Variants in SPHKAP observed in about 807,000 individuals in gnomAD.
SPHKAP encodes the protein SPHK1 interactor, AKAP domain containing, also known as A-kinase anchor protein SPHKAP.
SPHKAP carries 67 observed loss-of-function variants against 137.5 expected under a neutral mutation model. The ratio of observed to expected loss-of-function variants is 0.49; its 90% confidence interval spans 0.40 to 0.60. The LOEUF is 0.60. SPHKAP is among the 20% of genes least tolerant of loss of function. SPHKAP has a pLI of 0.00. For synonymous variants in SPHKAP, 813 were observed against 785.3 expected (o/e 1.04, Z -0.59); for missense variants, 2,097 against 2,069.3 (o/e 1.01, Z -0.26).
chr2:228,110,962 A>T (rs943873320), intron 2 of SPHKAP, among the ~76,000 whole-genome samples: 1 of 152,104 alleles, frequency 6.6e-6, no homozygotes, highest in African/African-American at 2.4e-5. Flanking sequence ...AAAATAAAAA[A>T]TTTTCTTAGC....
At chr2:228,077,410 C>T (rs1697220278) in intron 3 of SPHKAP, among the ~76,000 whole-genome samples, 1 of 152,188 alleles carries the variant, frequency 6.6e-6, no homozygotes, top group Non-Finnish European at 1.5e-5. Context: ...CTGGCAAAGC[C>T]ACAGGGGAAG....
chr2:228,012,258 A>G (rs887383041), intron 7 of SPHKAP, among the ~76,000 whole-genome samples: 1 of 151,788 alleles, frequency 6.6e-6, no homozygotes, highest in Non-Finnish European at 1.5e-5. Context: ...TAGATCACTA[A>G]AGCTTATTTG....
intron 1 of SPHKAP, among the ~76,000 whole-genome samples, chr2:228,153,858 C>G (rs1347917474): frequency 6.6e-6 from 1 of 152,030 alleles, no homozygotes; most frequent in Non-Finnish European, 1.5e-5. Flanking sequence ...AGGACAGCGC[C>G]AGCGGGCTTA....
intron 3 of SPHKAP, among the ~76,000 whole-genome samples, chr2:228,033,706 G>GT (rs1169429198): frequency 1.3e-5 from 2 of 152,144 alleles, no homozygotes; most frequent in East Asian, 3.8e-4. Flanking sequence ...AATTAAACTA[G>GT]AACTCAGGAC....
chr2:228,175,999 G>A (rs1189924209), intron 1 of SPHKAP, among the ~76,000 whole-genome samples: 1 of 152,172 alleles, frequency 6.6e-6, no homozygotes, highest in Non-Finnish European at 1.5e-5. Context: ...TAAAGACTCA[G>A]TATTTCTTGT....
chr2:228,021,750 G>A lies in SPHKAP; in HGVS notation c.658C>T (p.His220Tyr). 6.2e-7 allele frequency: 1 copy of A among 1,614,060 alleles called. No homozygotes were observed. The highest frequency in any genetic ancestry group is 8.5e-7 in the Non-Finnish European group (1 of 1,179,964). ...TCCACCTCGCTTTCCTCCTCCAAGT[G>A]CTCAGAAGCGGTGAGAAAGTCTTCC... ...IEEDFLTASE[H>Y]LEEESEVDES... is the part of the protein sequence containing the mutation. The change falls in exon 6 of 12, where the codon CAC (histidine) becomes TAC (tyrosine). Residue 220 changes from histidine (H) to tyrosine (Y), a missense_variant. Physicochemically the swap from His to Tyr is moderately conservative, Grantham distance 83 (BLOSUM62 2). Transcript: ENST00000392056.
At chr2:228,108,044 T>C (rs954482212) in intron 3 of SPHKAP, among the ~76,000 whole-genome samples, 1 of 152,302 alleles carries the variant, frequency 6.6e-6, no homozygotes, top group Non-Finnish European at 1.5e-5. Flanking sequence ...TTTGTTTCTT[T>C]TAACAGAAAT....
At chr2:228,053,307 C>A (rs956281031) in intron 3 of SPHKAP, among the ~76,000 whole-genome samples, 1 of 152,202 alleles carries the variant, frequency 6.6e-6, no homozygotes, top group African/African-American at 2.4e-5. Flanking sequence ...AGCTGAGAAG[C>A]AATAGGCCCT....
Position 228,019,407 on chromosome 2 carries a change from G to T in SPHKAP, c.1447C>A (p.Leu483Ile), listed in dbSNP as rs970706701. The T allele has an allele frequency of 3.6e-5, 58 of 1,614,086 alleles. No homozygotes were observed. Among genetic ancestry groups the T allele is most frequent in the Non-Finnish European group, 4.7e-5 (56 of 1,180,042 alleles). Reference sequence around the variant, plus strand: ...TGTCTGCTGGAGTTCTCTCCAGAGAGGATGCTTGAGGTTTCAACAGAGACT... The same window carrying T: ...TGTCTGCTGGAGTTCTCTCCAGAGATGATGCTTGAGGTTTCAACAGAGACT... The part of the protein sequence containing the change: ...MEVSVETSSI[L>I]SGENSSRQPQ... Residue 483 changes from leucine (L) to isoleucine (I), a missense_variant, in exon 7 of 12, where the codon CTC (leucine) becomes ATC (isoleucine). By Grantham distance (5) the Leu-to-Ile change is conservative (BLOSUM62 2). Coordinates refer to ENST00000392056, the MANE Select transcript of SPHKAP (RefSeq NM_001142644.2).
At chr2:228,092,366 TATAC>T (rs1401576324) in intron 3 of SPHKAP, among the ~76,000 whole-genome samples, 1 of 142,086 alleles carries the variant, frequency 7.0e-6, no homozygotes, top group African/African-American at 2.6e-5. Context: ...TATACACACA[TATAC>T]ATACAGATAT....
At chr2:228,180,582 A>T (rs1380767228) in intron 1 of SPHKAP, among the ~76,000 whole-genome samples, 1 of 152,160 alleles carries the variant, frequency 6.6e-6, no homozygotes, top group Non-Finnish European at 1.5e-5. Flanking sequence ...ACGAAGAGCC[A>T]CGCTAAGCCG....
chr2:228,139,896 T>C (rs1290811900), intron 1 of SPHKAP, among the ~76,000 whole-genome samples: 4 of 150,810 alleles, frequency 2.7e-5, no homozygotes, highest in Admixed American at 6.6e-5. Flanking sequence ...TAGAGTTCTT[T>C]ATTTCTTTAT....
chr2:228,092,112 C>CGTATATGTATATATATGT (rs1559168559), intron 3 of SPHKAP, among the ~76,000 whole-genome samples: 1 of 138,424 alleles, frequency 7.2e-6, no homozygotes, highest in African/African-American at 2.7e-5. Flanking sequence ...TATATATACA[C>CGTATATGTATATATATGT]ATATATACAT....
intron 3 of SPHKAP, among the ~76,000 whole-genome samples, chr2:228,107,401 T>C (rs1319907189): frequency 6.6e-6 from 1 of 152,142 alleles, no homozygotes; most frequent in Non-Finnish European, 1.5e-5. Context: ...TTGTATAGGT[T>C]TTTCCCATTT....
intron 3 of SPHKAP, among the ~76,000 whole-genome samples, chr2:228,055,871 T>G (rs1281704129): frequency 1.3e-5 from 2 of 152,220 alleles, no homozygotes; most frequent in African/African-American, 2.4e-5. Context: ...CCAGTTTCAT[T>G]GGGCATATTG....
intron 3 of SPHKAP, among the ~76,000 whole-genome samples, chr2:228,049,643 G>C (rs1696182912): frequency 6.6e-6 from 1 of 152,110 alleles, no homozygotes; most frequent in Non-Finnish European, 1.5e-5. Flanking sequence ...GTGAGCCCTT[G>C]GACTCCCACC....
At chr2:228,073,337 G>A (rs934392183) in intron 3 of SPHKAP, among the ~76,000 whole-genome samples, 10 of 152,184 alleles carry the variant, frequency 6.6e-5, no homozygotes, top group African/African-American at 2.4e-4. Context: ...TAAAGTCAGG[G>A]CCAAAGAGCT....
rs557968781 is a variant in SPHKAP, at chr2:227,993,972, C to T, written c.4635-352G>A. 9.5e-6 allele frequency: 8 copies of T among 840,832 alleles called. No individual in the cohort carries two copies. In the South Asian group the frequency reaches 2.7e-4, roughly 29 times the overall value. 52.1% of individuals were successfully genotyped at this position (840,832 alleles called of 1,614,324 possible). ...AGTTACGGTGAAGGTATTTATCTAT[C>T]GGCAAGAGATTTCTTGCTGCTGGGG... is the stretch of plus-strand genomic sequence containing the variant. On this transcript the variant is annotated intron_variant, in intron 8 of 11. Coordinates refer to ENST00000392056, the MANE Select transcript of SPHKAP (RefSeq NM_001142644.2).
chr2:228,013,572 T>A (rs1053896386), intron 7 of SPHKAP, among the ~76,000 whole-genome samples: 2 of 152,184 alleles, frequency 1.3e-5, no homozygotes, highest in African/African-American at 4.8e-5. Flanking sequence ...GGAAAAAATT[T>A]CCTGGAATAA....
Sources: gnomAD v4.1 joint callset for allele counts (sites outside exome capture counted in the v4.1 genomes callset) on GRCh38, gnomAD v4.1.1 for gene constraint, MANE v1.5 for transcripts, NCBI Gene and HGNC (gene_info 2026-07-23, HGNC 2026-07-21) for gene names.